GLI3: variants seen among roughly 807,000 people sequenced by gnomAD.
The protein encoded by GLI3 is GLI family zinc finger 3.
Under a neutral mutation model 100.8 loss-of-function variants are expected in GLI3, and 20 were observed. The observed-to-expected ratio is 0.20, with a 90% confidence interval of 0.14 to 0.29. The LOEUF (loss-of-function observed/expected upper bound fraction) is 0.29, where lower values mean the gene tolerates loss of function less well. GLI3 is among the 10% of genes least tolerant of loss of function. The probability of loss-of-function intolerance (pLI) is 1.00; values close to 1 mark genes in which losing one functional copy is unlikely to be tolerated. For missense variants in GLI3, 2,040 were observed against 2,128.5 expected (o/e 0.96, Z 0.82); for synonymous variants, 938 against 860.5 (o/e 1.09, Z -1.58).
intron 10 of GLI3, among the ~76,000 whole-genome samples, chr7:41,999,427 G>T (rs1788223924): frequency 6.6e-6 from 1 of 152,130 alleles, no homozygotes; most frequent in African/African-American, 2.4e-5. Context: ...CTTTTCATTG[G>T]CTCTGGGCTA....
At chr7:42,045,363 G>C (rs1784224469) in intron 6 of GLI3, 21 bp downstream of exon 6, 1 of 1,611,292 alleles carries the variant, frequency 6.2e-7, no homozygotes, top group African/African-American at 1.3e-5. Context: ...CAAGACTCTA[G>C]AAACCAGCCC....
intron 1 of GLI3, among the ~76,000 whole-genome samples, chr7:42,230,635 A>C (rs1562794727): frequency 6.6e-6 from 1 of 152,254 alleles, no homozygotes. Context: ...AAAGATCATC[A>C]GCTACTCTTC....
At chr7:42,250,114 C>T (rs1450078428) in intron 1 of GLI3, among the ~76,000 whole-genome samples, 1 of 151,904 alleles carries the variant, frequency 6.6e-6, no homozygotes, top group African/African-American at 2.4e-5. Context: ...AAAAAAGTTA[C>T]TCTCTTTTCT....
At position 41,965,696 on chromosome 7, in the gene GLI3, G is replaced by A. The variant is rs1359653403; in HGVS notation, c.3377C>T (p.Pro1126Leu). 1.9e-6 allele frequency: 3 copies of A among 1,613,548 alleles called. No individual in the cohort carries two copies. The highest frequency in any genetic ancestry group is 1.7e-5 in the Admixed American group (1 of 60,006). ...LPDDSKVPHG[P>L]GDFDAPGLPD... ...CAGCCCGGGCGCGTCAAAGTCACCG[G>A]GCCCGTGGGGCACTTTGCTGTCGTC... Residue 1126 changes from proline to leucine, a missense_variant, in exon 15 of 15, where the codon CCC (proline) becomes CTC (leucine). Physicochemically the swap from Pro to Leu is moderately conservative, Grantham distance 98. Transcript: ENST00000395925.
chr7:42,049,599 A>C (rs981736175), intron 4 of GLI3, among the ~76,000 whole-genome samples: 1 of 152,102 alleles, frequency 6.6e-6, no homozygotes, highest in Non-Finnish European at 1.5e-5. Context: ...TCTAAAACAC[A>C]CCTTGCTACC....
At chr7:42,071,217 G>C (rs1021939585) in intron 4 of GLI3, among the ~76,000 whole-genome samples, 7 of 151,728 alleles carry the variant, frequency 4.6e-5, no homozygotes, top group Non-Finnish European at 8.8e-5. Context: ...TTTCTTTTTT[G>C]GGGGGGCGGT....
intron 3 of GLI3, among the ~76,000 whole-genome samples, chr7:42,080,757 C>T (rs115922462): frequency 7.9e-5 from 12 of 152,168 alleles, no homozygotes; most frequent in South Asian, 2.1e-4. Context: ...AATCCTCAAA[C>T]GTTGAGTACT....
At chr7:42,164,069 A>C (rs1787188677) in intron 2 of GLI3, among the ~76,000 whole-genome samples, 1 of 152,214 alleles carries the variant, frequency 6.6e-6, no homozygotes, top group South Asian at 2.1e-4. Context: ...TTGCTAGAAA[A>C]ACACCAAAAT....
At chr7:42,129,284 T>C (rs938019683) in intron 3 of GLI3, among the ~76,000 whole-genome samples, 1 of 152,132 alleles carries the variant, frequency 6.6e-6, no homozygotes, top group Non-Finnish European at 1.5e-5. Flanking sequence ...CATAATCACA[T>C]TGTTAGGAGT....
At chr7:42,227,895 T>C (rs957092639) in intron 1 of GLI3, among the ~76,000 whole-genome samples, 1 of 152,126 alleles carries the variant, frequency 6.6e-6, no homozygotes, top group African/African-American at 2.4e-5. Flanking sequence ...CCATTGATTA[T>C]GGTAATTGTT....
At chr7:42,205,572 T>C (rs977050163) in intron 2 of GLI3, among the ~76,000 whole-genome samples, 1 of 152,162 alleles carries the variant, frequency 6.6e-6, no homozygotes. Flanking sequence ...AGCTGGAGAA[T>C]CGTACTTTTC....
At chr7:42,062,759 T>C (rs1784597483) in intron 4 of GLI3, among the ~76,000 whole-genome samples, 1 of 151,904 alleles carries the variant, frequency 6.6e-6, no homozygotes, top group African/African-American at 2.4e-5. Flanking sequence ...CCTGAACTTT[T>C]AGGAGAAATT....
At chr7:42,045,041 C>T (rs1784216989) in intron 6 of GLI3, among the ~76,000 whole-genome samples, 1 of 152,192 alleles carries the variant, frequency 6.6e-6, no homozygotes, top group Non-Finnish European at 1.5e-5. Flanking sequence ...GTACATGCCA[C>T]TACACCCAGC....
intron 2 of GLI3, among the ~76,000 whole-genome samples, chr7:42,174,447 G>C (rs528518477): frequency 6.6e-6 from 1 of 152,248 alleles, no homozygotes; most frequent in Non-Finnish European, 1.5e-5. Flanking sequence ...CTTTCAGCCA[G>C]TCCCGCGGAC....
rs188647859 is a variant in GLI3, at chr7:41,962,595, A to G, written c.*1735T>C. 1.3e-5 allele frequency: 2 copies of G among 152,326 alleles called. No individual in the cohort carries two copies. Among genetic ancestry groups the G allele is most frequent in the Non-Finnish European group, 2.9e-5 (2 of 68,040 alleles). The allele number at this position is 152,326 out of a possible 1,614,324, so 9.4% of individuals were successfully genotyped here. On this transcript the variant is annotated 3_prime_UTR_variant, in exon 15 of 15. Transcript: ENST00000395925. The stretch of plus-strand genomic sequence containing the variant: ...GGAACATCTAGTTGAAAGCAAACCT[A>G]ATAGTCTTAGCCAAAGTCCCCAGTG...
chr7:42,126,322 C>T (rs1239687225), intron 3 of GLI3, among the ~76,000 whole-genome samples: 1 of 152,200 alleles, frequency 6.6e-6, no homozygotes, highest in Non-Finnish European at 1.5e-5. Context: ...GCACACATTG[C>T]TTTAACAACG....
chr7:41,967,322 G>A (rs1167898864), intron 14 of GLI3, among the ~76,000 whole-genome samples: 2 of 152,176 alleles, frequency 1.3e-5, no homozygotes, highest in African/African-American at 2.4e-5. Context: ...CTCCACTGCT[G>A]GCATTCCCTT....
At chr7:41,968,751 A>AGAAG (rs1472841331) in intron 13 of GLI3, among the ~76,000 whole-genome samples, 1,444 of 101,488 alleles carry the variant, frequency 0.014, 19 homozygotes, top group Middle Eastern at 0.022. Flanking sequence ...AAAGAAAGAA[A>AGAAG]GAAAGAAAGA....
At chr7:42,141,461 C>A (rs561514832) in intron 3 of GLI3, among the ~76,000 whole-genome samples, 1 of 152,228 alleles carries the variant, frequency 6.6e-6, no homozygotes, top group African/African-American at 2.4e-5. Context: ...CACCTGAGGT[C>A]AGGAGTTCAA....
Sources: allele counts gnomAD v4.1 joint callset (sites outside exome capture counted in the v4.1 genomes callset), GRCh38; gene constraint gnomAD v4.1.1; transcripts MANE v1.5; gene names NCBI Gene and HGNC (gene_info 2026-07-23, HGNC 2026-07-21).